Variants in ZNF37A observed in about 807,000 individuals in gnomAD.
The protein encoded by ZNF37A is zinc finger protein 37A.
A neutral mutation model predicts 12.3 loss-of-function variants in ZNF37A; 10 were observed. That is an observed-to-expected ratio of 0.82 (90% confidence interval 0.50 to 1.38). ZNF37A has a LOEUF of 1.38. ZNF37A is among the 40% of genes most tolerant of loss of function. The probability of loss-of-function intolerance (pLI) is 0.00; values close to 1 mark genes in which losing one functional copy is unlikely to be tolerated. For missense variants in ZNF37A, 580 were observed against 651.2 expected (o/e 0.89, Z 1.19); for synonymous variants, 207 against 223.0 (o/e 0.93, Z 0.64).
chr10:38,144,904 T>A (rs1256724507), intron 7 of ZNF37A, among the ~76,000 whole-genome samples: 3 of 152,070 alleles, frequency 2.0e-5, no homozygotes, highest in Non-Finnish European at 2.9e-5. Context: ...CTGGAAGTCA[T>A]CCGGATTCTA....
chr10:38,115,066 AGTGTGTGTGTGTGTGTGT>A lies in ZNF37A; in HGVS notation c.143-96_143-79del, dbSNP rs56124182. On this transcript the variant is annotated intron_variant, in intron 6 of 7. Transcript: ENST00000685332. Reference sequence around the variant, plus strand: ...CTGCCCCCATGACAGGATTAAATGAAGTGTGTGTGTGTGTGTGTGTGTGTGTGTGTGTGTGTGTGTGTG... The same window carrying A: ...CTGCCCCCATGACAGGATTAAATGAAGTGTGTGTGTGTGTGTGTGTGTGTG... 9.4e-3 allele frequency: 5,844 copies of A among 621,386 alleles called. 159 individuals carry two copies. The highest frequency in any genetic ancestry group is 0.092 in the Admixed American group (2,737 of 29,738). 38.5% of individuals were successfully genotyped at this position (621,386 alleles called of 1,614,324 possible). A position where few individuals can be genotyped will look rare whatever the true frequency, so the allele number is the denominator to read the frequency against.
At chr10:38,100,236 G>A (rs571351468) in intron 5 of ZNF37A, among the ~76,000 whole-genome samples, 29 of 152,168 alleles carry the variant, frequency 1.9e-4, no homozygotes, top group African/African-American at 6.5e-4. Context: ...TCACAGGACC[G>A]CAGGACCGGT....
At chr10:38,101,587 C>T (rs1277619579) in intron 5 of ZNF37A, among the ~76,000 whole-genome samples, 2 of 144,486 alleles carry the variant, frequency 1.4e-5, no homozygotes, top group Admixed American at 6.9e-5. Flanking sequence ...GTAGACTGAC[C>T]TTTTTTTTTT....
At position 38,120,180 on chromosome 10, in the gene ZNF37A, G is replaced by C. The variant is rs1329127686; in HGVS notation, c.*1343G>C. 6.6e-6 allele frequency: 1 copy of C among 152,202 alleles called. No individual in the cohort carries two copies. Among genetic ancestry groups the C allele is most frequent in the Non-Finnish European group, 1.5e-5 (1 of 68,054 alleles). 9.4% of individuals were successfully genotyped at this position (152,202 alleles called of 1,614,324 possible). A position where few individuals can be genotyped will look rare whatever the true frequency, so the allele number is the denominator to read the frequency against. On this transcript the variant is annotated 3_prime_UTR_variant, in exon 8 of 8. Transcript: ENST00000685332. ...ATGGTGGCTCATGCCTGTAATCCCA[G>C]TACTTTGGGAGGCTGAGGTGGGCAA...
chr10:38,097,457 A>G (rs900897790), intron 5 of ZNF37A, among the ~76,000 whole-genome samples: 1 of 151,884 alleles, frequency 6.6e-6, no homozygotes, highest in Non-Finnish European at 1.5e-5. Flanking sequence ...GTGCACCTGT[A>G]ATCCCAGCTA....
At chr10:38,136,866 AGTAATTTCAATG>A (rs1191633141) in intron 7 of ZNF37A, among the ~76,000 whole-genome samples, 4 of 152,204 alleles carry the variant, frequency 2.6e-5, no homozygotes, top group Non-Finnish European at 5.9e-5. Flanking sequence ...CCTCAGAGTC[AGTAATTTCAATG>A]GTTCTTTCTT....
Position 38,119,249 on chromosome 10 carries a change from T to C in ZNF37A, c.*412T>C. The C allele has an allele frequency of 9.5e-7, 1 of 1,047,382 alleles. No homozygotes were observed. The highest frequency in any genetic ancestry group is 1.2e-6 in the Non-Finnish European group (1 of 856,340). 64.9% of individuals were successfully genotyped at this position (1,047,382 alleles called of 1,614,324 possible). On this transcript the variant is annotated 3_prime_UTR_variant, in exon 8 of 8. Coordinates refer to ENST00000685332, the MANE Select transcript of ZNF37A (RefSeq NM_001324250.3). ...GGGTGTAATGAATGTGGGAAAACCT[T>C]TCATCAGAAGTCAGCTCTAATTGTT...
At chr10:38,143,240 A>G (rs1357191295) in intron 7 of ZNF37A, 3 of 152,178 alleles carry the variant, frequency 2.0e-5, no homozygotes, top group Non-Finnish European at 4.4e-5. Flanking sequence ...TGGAAGCTGT[A>G]TTTTAAGGTG....
At chr10:38,130,341 T>G (rs2070005433), downstream of ZNF37A, among the ~76,000 whole-genome samples, 1 of 152,232 alleles carries the variant, frequency 6.6e-6, no homozygotes, top group Admixed American at 6.5e-5. Context: ...TGTACAGTGA[T>G]GTACATATGT....
intron 6 of ZNF37A, 88 bp from the exon 7 acceptor site, chr10:38,115,107 G>GTGTGTA (rs1554780606): frequency 1.4e-4 from 125 of 917,274 alleles, no homozygotes; most frequent in Admixed American, 2.0e-4. Flanking sequence ...GTGTGTGTGT[G>GTGTGTA]TGTGTGTGTA....
At chr10:38,141,460 A>T (rs1256197751) in intron 7 of ZNF37A, 1 of 152,162 alleles carries the variant, frequency 6.6e-6, no homozygotes, top group Admixed American at 6.5e-5. Context: ...CTCCACACAT[A>T]TCCAACTGGT....
intron 7 of ZNF37A, chr10:38,141,770 C>G (rs1237056628): frequency 1.3e-5 from 2 of 152,130 alleles, no homozygotes; most frequent in Non-Finnish European, 2.9e-5. Flanking sequence ...GAACTCTTCT[C>G]AAAATCTAAA....
chr10:38,098,788 T>C (rs1337674270), intron 5 of ZNF37A, among the ~76,000 whole-genome samples: 6 of 152,240 alleles, frequency 3.9e-5, no homozygotes, highest in Non-Finnish European at 8.8e-5. Flanking sequence ...GAGGGCAGAA[T>C]TGACTGGTTG....
Position 38,119,380 on chromosome 10 carries a change from CTA to C in ZNF37A, c.*546_*547del, listed in dbSNP as rs2136043259. The stretch of plus-strand genomic sequence containing the variant: ...GAGAAAATGCACAAACTGTAGGAAA[CTA>C]TAGGAAAGCATTTACTATGAGGTTA... On this transcript the variant is annotated 3_prime_UTR_variant, in exon 8 of 8. Transcript: ENST00000685332. 1 of 994,544 alleles carries C rather than the reference CTA, an allele frequency of 1.0e-6. No individual in the cohort carries two copies. The highest frequency in any genetic ancestry group is 6.1e-5 in the Admixed American group (1 of 16,526). 61.6% of individuals were successfully genotyped at this position (994,544 alleles called of 1,614,324 possible).
rs959631753 is a variant in ZNF37A at position 38,120,508 on chromosome 10, A to G, written c.*1671A>G. On this transcript the variant is annotated 3_prime_UTR_variant, in exon 8 of 8. Transcript: ENST00000685332. ...CAGAATGGACCCATTGAGGATAACT[A>G]TAAAATTACAGAAAATATTTAAATG... 2.6e-5 allele frequency: 4 copies of G among 152,244 alleles called. No individual in the cohort carries two copies. Among genetic ancestry groups the G allele is most frequent in the Non-Finnish European group, 5.9e-5 (4 of 68,054 alleles). The allele number at this position is 152,244 out of a possible 1,614,324, so 9.4% of individuals were successfully genotyped here.
intron 6 of ZNF37A, 127 bp from the exon 7 acceptor site, chr10:38,115,066 AGT>A (rs56124182): frequency 0.06 from 37,146 of 616,482 alleles, 667 homozygotes; most frequent in African/African-American, 0.12. Flanking sequence ...GATTAAATGA[AGT>A]GTGTGTGTGT....
intron 5 of ZNF37A, among the ~76,000 whole-genome samples, chr10:38,114,445 A>G (rs1317062468): frequency 6.6e-6 from 1 of 152,164 alleles, no homozygotes; most frequent in Non-Finnish European, 1.5e-5. Flanking sequence ...TTATGAGAAG[A>G]TATGTTCCTC....
chr10:38,132,775 A>G (rs1247283353), intron 7 of ZNF37A, among the ~76,000 whole-genome samples: 2 of 151,674 alleles, frequency 1.3e-5, no homozygotes, highest in Admixed American at 6.6e-5. Flanking sequence ...TGGTAACTCA[A>G]TGTGCATCTG....
At chr10:38,111,331 A>AGGGGGTT (rs1491331689) in intron 5 of ZNF37A, among the ~76,000 whole-genome samples, 1 of 150,516 alleles carries the variant, frequency 6.6e-6, no homozygotes, top group Admixed American at 6.6e-5. Flanking sequence ...AGGGCCTGTC[A>AGGGGGTT]GGGGGTTGGG....
Sources: gnomAD v4.1 joint callset for allele counts (sites outside exome capture counted in the v4.1 genomes callset) on GRCh38, gnomAD v4.1.1 for gene constraint, MANE v1.5 for transcripts, NCBI Gene and HGNC (gene_info 2026-07-23, HGNC 2026-07-21) for gene names.